The following FBN1 variants were observed in gnomAD, a reference collection of about 807,000 sequenced individuals.
FBN1 encodes fibrillin-1.
A neutral mutation model predicts 365.1 loss-of-function variants in FBN1; 29 were observed. The ratio of observed to expected loss-of-function variants is 0.08; its 90% CI spans 0.06 to 0.11. The LOEUF is 0.11. FBN1 is among the 10% of genes least tolerant of loss of function. The probability of loss-of-function intolerance (pLI) is 1.00; values close to 1 mark genes in which losing one functional copy is unlikely to be tolerated. For synonymous variants in FBN1, 1,210 were observed against 1,270.5 expected (o/e 0.95, Z 1.01); for missense variants, 2,476 against 3,703.2 (o/e 0.67, Z 8.60).
At chr15:48,411,707 T>C (rs886891442) in intron 65 of FBN1, among the ~76,000 whole-genome samples, 1 of 152,246 alleles carries the variant, frequency 6.6e-6, no homozygotes, top group Admixed American at 6.5e-5. Flanking sequence ...CCAGAACTAC[T>C]GAATCAGAAA....
intron 6 of FBN1, among the ~76,000 whole-genome samples, chr15:48,594,784 T>C (rs2044504473): frequency 6.6e-6 from 1 of 152,174 alleles, no homozygotes; most frequent in Admixed American, 6.5e-5. Context: ...ATCTTATTAG[T>C]GATTTTTCTA....
At chr15:48,481,834 T>C (rs775915828) in intron 31 of FBN1, 54 bp from the exon 32 acceptor site, 6 of 1,525,724 alleles carry the variant, frequency 3.9e-6, no homozygotes, top group Non-Finnish European at 5.5e-6. Flanking sequence ...CATTGAGTAC[T>C]TTCCCCTCGA....
chr15:48,529,844 C>T (rs911510336), intron 8 of FBN1: 2 of 154,478 alleles, frequency 1.3e-5, no homozygotes, highest in Non-Finnish European at 2.9e-5. Flanking sequence ...AGCTTTTATC[C>T]ATGCTGCATC....
chr15:48,474,236 G>T lies in FBN1; in HGVS notation c.4210+19C>A. On this transcript the variant is annotated intron_variant, in intron 34 of 65. Transcript: ENST00000316623. Reference sequence around the variant, plus strand: ...TTCTCTGACTAGTGTTGACACAGTTGTTTCCAGCGTGAACATACCTGTACA... The same window carrying T: ...TTCTCTGACTAGTGTTGACACAGTTTTTTCCAGCGTGAACATACCTGTACA... The T allele has an allele frequency of 6.2e-7, 1 of 1,613,948 alleles. No individual in the cohort carries two copies. The highest frequency in any genetic ancestry group is 1.1e-5 in the South Asian group (1 of 91,080).
At chr15:48,432,649 A>C (rs970496762) in intron 55 of FBN1, among the ~76,000 whole-genome samples, 70 of 152,154 alleles carry the variant, frequency 4.6e-4, no homozygotes, top group Non-Finnish European at 9.8e-4. Context: ...ATGCACAGTG[A>C]GACCTAATAA....
chr15:48,485,538 G>T, intron 29 of FBN1, 42 bp from the exon 30 acceptor site: 1 of 1,609,076 alleles, frequency 6.2e-7, no homozygotes, highest in Non-Finnish European at 8.5e-7. Context: ...ATATGGTTTG[G>T]ATGTCTGTCC....
intron 49 of FBN1, among the ~76,000 whole-genome samples, chr15:48,443,984 C>T (rs2043135479): frequency 6.6e-6 from 1 of 152,106 alleles, no homozygotes; most frequent in Non-Finnish European, 1.5e-5. Flanking sequence ...GTGAGCTATA[C>T]TCGTGCCACT....
intron 44 of FBN1, 28 bp from the exon 45 acceptor site, chr15:48,452,712 A>G (rs1421215737): frequency 1.3e-6 from 2 of 1,565,030 alleles, no homozygotes. Flanking sequence ...CTGAATTTGA[A>G]GGAGAACAGA....
intron 55 of FBN1, among the ~76,000 whole-genome samples, chr15:48,431,734 A>C (rs1199590375): frequency 2.0e-5 from 3 of 152,062 alleles, no homozygotes; most frequent in Non-Finnish European, 4.4e-5. Context: ...AGCTCACTGC[A>C]ACCTCCACCT....
At chr15:48,640,590 G>C (rs535518617) in intron 2 of FBN1, among the ~76,000 whole-genome samples, 1 of 152,232 alleles carries the variant, frequency 6.6e-6, no homozygotes, top group Non-Finnish European at 1.5e-5. Context: ...GGTATGAACT[G>C]TTCCATGTGT....
chr15:48,483,515 T>C (rs2043482274), intron 31 of FBN1, among the ~76,000 whole-genome samples: 1 of 152,200 alleles, frequency 6.6e-6, no homozygotes, highest in Non-Finnish European at 1.5e-5. Context: ...TTAAAAAGCC[T>C]ACATGATAGT....
chr15:48,570,847 G>A (rs1273178027), intron 6 of FBN1, among the ~76,000 whole-genome samples: 2 of 152,214 alleles, frequency 1.3e-5, no homozygotes. Flanking sequence ...CTGCTGGCCA[G>A]GCTGCAGGGG....
chr15:48,553,174 T>C (rs570577108), intron 6 of FBN1, among the ~76,000 whole-genome samples: 1 of 152,332 alleles, frequency 6.6e-6, no homozygotes, highest in South Asian at 2.1e-4. Context: ...CTATTCTATT[T>C]TTTAAATAAT....
chr15:48,424,877 G>A (rs2042966504), intron 60 of FBN1, among the ~76,000 whole-genome samples: 1 of 152,164 alleles, frequency 6.6e-6, no homozygotes, highest in South Asian at 2.1e-4. Flanking sequence ...ATGTCTCAGG[G>A]AAGCTCCTAC....
chr15:48,497,519 TG>T (rs1221283570), intron 18 of FBN1, 128 bp from the exon 19 acceptor site: 6 of 831,314 alleles, frequency 7.2e-6, no homozygotes, highest in Non-Finnish European at 1.2e-5. Flanking sequence ...TCGATTTCAC[TG>T]GAAAGAGAAC....
chr15:48,461,569 A>T (rs1200440593), intron 42 of FBN1, among the ~76,000 whole-genome samples: 5 of 146,082 alleles, frequency 3.4e-5, no homozygotes, highest in Non-Finnish European at 7.4e-5. Context: ...ATACATAGAT[A>T]TATATACATA....
intron 55 of FBN1, among the ~76,000 whole-genome samples, chr15:48,431,248 C>T (rs956269578): frequency 5.9e-5 from 9 of 152,042 alleles, no homozygotes; most frequent in Non-Finnish European, 7.4e-5. Flanking sequence ...CAGGCATGCA[C>T]CACCACGCCT....
At chr15:48,601,845 G>A (rs576375970) in intron 4 of FBN1, among the ~76,000 whole-genome samples, 1 of 152,254 alleles carries the variant, frequency 6.6e-6, no homozygotes, top group Admixed American at 6.5e-5. Context: ...GCCACACACT[G>A]AAACACCATC....
chr15:48,616,277 C>T (rs1889650371), intron 2 of FBN1, among the ~76,000 whole-genome samples: 2 of 152,154 alleles, frequency 1.3e-5, no homozygotes, highest in Admixed American at 1.3e-4. Context: ...TCAACCAATA[C>T]CTTCAAATGA....
Sources: allele counts gnomAD v4.1 joint callset (sites outside exome capture counted in the v4.1 genomes callset), GRCh38; gene constraint gnomAD v4.1.1; transcripts MANE v1.5; gene names NCBI Gene and HGNC (gene_info 2026-07-23, HGNC 2026-07-21).